Variants in MROH1 observed in about 807,000 individuals in gnomAD.
MROH1 encodes the protein maestro heat like repeat family member 1.
Under a neutral mutation model 116.5 loss-of-function variants are expected in MROH1, and 117 were observed. That is an observed-to-expected ratio of 1.00 (90% CI 0.86 to 1.17). MROH1 has a LOEUF of 1.17. MROH1 is among the 50% of genes most tolerant of loss of function. MROH1 has a pLI of 0.00. For synonymous variants in MROH1, 921 were observed against 583.9 expected (o/e 1.58, Z -8.32); for missense variants, 1,873 against 1,338.5 (o/e 1.40, Z -6.23).
At chr8:144,155,697 G>A (rs938250109) in intron 1 of MROH1, among the ~76,000 whole-genome samples, 5 of 144,772 alleles carry the variant, frequency 3.5e-5, no homozygotes, top group Admixed American at 7.2e-5. Flanking sequence ...CAGAATGCAC[G>A]ATCTCAGCTC....
At chr8:144,222,205 G>A (rs1045921523) in intron 13 of MROH1, among the ~76,000 whole-genome samples, 1 of 152,198 alleles carries the variant, frequency 6.6e-6, no homozygotes, top group Non-Finnish European at 1.5e-5. Context: ...CCTGGGAAGG[G>A]CAGCTGCCAG....
intron 14 of MROH1, among the ~76,000 whole-genome samples, chr8:144,230,025 C>T (rs149419633): frequency 0.025 from 3,713 of 146,744 alleles, 69 homozygotes; most frequent in Admixed American, 0.046. Context: ...CAGAGCTACA[C>T]TCTGTCTCAA....
At chr8:144,246,421 C>T (rs1268467448) in intron 29 of MROH1, among the ~76,000 whole-genome samples, 4 of 152,082 alleles carry the variant, frequency 2.6e-5, no homozygotes, top group East Asian at 1.9e-4. Flanking sequence ...TGAGCCACCG[C>T]GCCCTGCCGA....
intron 13 of MROH1, among the ~76,000 whole-genome samples, chr8:144,221,225 C>A (rs1449791149): frequency 6.6e-6 from 1 of 152,196 alleles, no homozygotes; most frequent in African/African-American, 2.4e-5. Flanking sequence ...CTATCTCCAG[C>A]CCCTCTGGAG....
chr8:144,211,188 CAG>C (rs1227504068), intron 12 of MROH1, among the ~76,000 whole-genome samples: 26 of 152,174 alleles, frequency 1.7e-4, no homozygotes, highest in Admixed American at 1.7e-3. Flanking sequence ...GATTCAGAAA[CAG>C]ATTCAGACTC....
intron 19 of MROH1, 95 bp from the exon 20 acceptor site, chr8:144,240,475 C>T (rs1469584678): frequency 1.4e-6 from 1 of 704,184 alleles, no homozygotes; most frequent in African/African-American, 1.7e-5. Context: ...CGGTCTGCAG[C>T]CCCTGCAGCC....
At chr8:144,248,820 G>A (rs1003693640) in intron 31 of MROH1, 57 bp from the exon 32 acceptor site, 2 of 761,758 alleles carry the variant, frequency 2.6e-6, no homozygotes, top group Admixed American at 1.8e-5. Context: ...ATGCCTAACA[G>A]AAGTGGCGTT....
rs889426816 is a variant in MROH1 at position 144,155,814 on chromosome 8, G to A, written c.-176-5156G>A. ...ACTCAGGCTAATTTTTGTATTTTTA[G>A]TAGAGACAGGGTTTCAACATGTTGG... On this transcript the variant is annotated intron_variant, in intron 1 of 43. Coordinates refer to ENST00000326134, the MANE Select transcript of MROH1 (RefSeq NM_032450.3). 1.3e-3 allele frequency among the ~76,000 whole-genome samples: 193 copies of A among 151,766 alleles called. 1 individual carries two copies. The highest frequency in any genetic ancestry group is 4.5e-3 in the African/African-American group (186 of 41,456).
chr8:144,246,218 C>T (rs1361858335), intron 29 of MROH1, among the ~76,000 whole-genome samples: 3 of 151,792 alleles, frequency 2.0e-5, no homozygotes, highest in Non-Finnish European at 4.4e-5. Context: ...AAGCGATTCT[C>T]CTGCCCCAGC....
chr8:144,242,547 G>A, intron 23 of MROH1, 32 bp downstream of exon 23: 1 of 780,542 alleles, frequency 1.3e-6, no homozygotes, highest in Non-Finnish European at 2.4e-6. Flanking sequence ...CCACGCAGGG[G>A]AGCTGGGGCT....
At chr8:144,257,598 T>C (rs1285436461) in intron 35 of MROH1, among the ~76,000 whole-genome samples, 3 of 152,120 alleles carry the variant, frequency 2.0e-5, no homozygotes, top group African/African-American at 7.2e-5. Flanking sequence ...ACCCTCCTCC[T>C]AGATCCCACC....
chr8:144,195,218 A>AAAAAAC, intron 10 of MROH1, among the ~76,000 whole-genome samples: 1 of 141,978 alleles, frequency 7.0e-6, no homozygotes, highest in South Asian at 2.4e-4. Context: ...AAAAAAAAAA[A>AAAAAAC]AGGCCGAGTG....
intron 12 of MROH1, among the ~76,000 whole-genome samples, chr8:144,206,793 G>A (rs959233302): frequency 2.6e-5 from 4 of 151,248 alleles, no homozygotes; most frequent in South Asian, 4.2e-4. Flanking sequence ...AGAACTTTGC[G>A]AGGCCGAGGC....
At chr8:144,250,834 C>T (rs1475587473) in intron 33 of MROH1, 1 of 323,914 alleles carries the variant, frequency 3.1e-6, no homozygotes. Context: ...ACAACCTTGT[C>T]TGTACCATAC....
At chr8:144,224,603 G>A (rs1397835395) in intron 14 of MROH1, among the ~76,000 whole-genome samples, 3 of 152,190 alleles carry the variant, frequency 2.0e-5, no homozygotes, top group African/African-American at 7.2e-5. Flanking sequence ...TGCTGTTTCC[G>A]TGGAGCCTCT....
intron 4 of MROH1, among the ~76,000 whole-genome samples, chr8:144,170,722 G>T (rs1195111470): frequency 1.3e-5 from 2 of 152,240 alleles, no homozygotes; most frequent in African/African-American, 4.8e-5. Context: ...TGTATCTGTG[G>T]TTCTGTTTTT....
intron 33 of MROH1, chr8:144,252,473 C>T (rs919056956): frequency 2.0e-5 from 3 of 151,970 alleles, no homozygotes; most frequent in African/African-American, 7.3e-5. Flanking sequence ...TCGAGACCAT[C>T]CTGGCTAACA....
chr8:144,185,056 C>G (rs940953886), intron 7 of MROH1, among the ~76,000 whole-genome samples: 9 of 152,198 alleles, frequency 5.9e-5, no homozygotes, highest in African/African-American at 2.2e-4. Context: ...AGGCAGGCAG[C>G]CTCTTGCCCT....
chr8:144,255,075 A>T, intron 34 of MROH1, 97 bp downstream of exon 34: 1 of 643,454 alleles, frequency 1.6e-6, no homozygotes, highest in Non-Finnish European at 2.8e-6. Context: ...CCCGGACGCC[A>T]CCCCACAGGC....
Sources: gnomAD v4.1 joint callset for allele counts (sites outside exome capture counted in the v4.1 genomes callset) on GRCh38, gnomAD v4.1.1 for gene constraint, MANE v1.5 for transcripts, NCBI Gene and HGNC (gene_info 2026-07-23, HGNC 2026-07-21) for gene names.